The following FGF4 variants were observed in gnomAD, a reference collection of about 807,000 sequenced individuals.
FGF4 encodes the protein fibroblast growth factor 4.
In FGF4, 9 loss-of-function variants were observed where a neutral mutation model predicts 15.7. That is an observed-to-expected ratio of 0.57 (90% CI 0.35 to 1.00). FGF4 has a LOEUF of 1.00. Ranked by LOEUF, FGF4 falls within the 50% of genes least tolerant of loss-of-function variation. The pLI is 0.02. For synonymous variants in FGF4, 164 were observed against 144.8 expected (o/e 1.13, Z -0.95); for missense variants, 286 against 297.3 (o/e 0.96, Z 0.28).
At chr11:69,774,478 G>A (rs1855614344) in intron 1 of FGF4, among the ~76,000 whole-genome samples, 1 of 152,214 alleles carries the variant, frequency 6.6e-6, no homozygotes, top group Non-Finnish European at 1.5e-5. Flanking sequence ...TGTGCCCACG[G>A]GCGAAGGCGC....
chr11:69,773,435 G>T lies in FGF4; in HGVS notation c.495C>A (p.Asn165Lys). 1 of 1,614,182 alleles carries T rather than the reference G, an allele frequency of 6.2e-7. No homozygotes were observed. The highest frequency in any genetic ancestry group is 1.1e-5 in the South Asian group (1 of 91,090). ...CTFKEILLPN[N>K]YNAYESYKYP... ...ACTTGTAGGACTCGTAGGCGTTGTA[G>T]TTGTTGGGAAGGAGAATCTCCTTGA... Residue 165 changes from asparagine to lysine, a missense_variant, in exon 3 of 3, where the codon AAC becomes AAA. By Grantham distance (94) the Asn-to-Lys change is moderately conservative. Coordinates refer to ENST00000168712, the MANE Select transcript of FGF4 (RefSeq NM_002007.4).
intron 2 of FGF4, 48 bp from the exon 3 acceptor site, chr11:69,773,533 G>A (rs775122084): frequency 6.3e-7 from 1 of 1,597,682 alleles, no homozygotes; most frequent in East Asian, 2.2e-5. Flanking sequence ...TCTTGGGCAA[G>A]GTACCCAGCC....
chr11:69,774,951 C>T lies in FGF4; in HGVS notation c.134G>A (p.Arg45His). 2 of 1,476,348 alleles carry T rather than the reference C, an allele frequency of 1.4e-6. No homozygotes were observed. Among genetic ancestry groups the T allele is most frequent in the South Asian group, 1.3e-5 (1 of 78,194 alleles). The allele number at this position is 1,476,348 out of a possible 1,614,324, so 91.5% of individuals were successfully genotyped here. The change falls in exon 1 of 3, where the codon CGC (arginine) becomes CAC (histidine). Residue 45 changes from arginine to histidine, a missense_variant. Physicochemically the swap from Arg to His is conservative, Grantham distance 29. Transcript: ENST00000168712. Reference sequence around the variant, plus strand: ...GAGCGCCACCAGGCTCTCCCAGCGGCGCTCCAGCTCGGCCTCCAGCGTGCC... The same window carrying T: ...GAGCGCCACCAGGCTCTCCCAGCGGTGCTCCAGCTCGGCCTCCAGCGTGCC... ...PNGTLEAELE[R>H]RWESLVALSL...
In FGF4 at chr11:69,775,214, C is replaced by A; in HGVS notation, c.-130G>T. On this transcript the variant is annotated 5_prime_UTR_variant, in exon 1 of 3. Transcript: ENST00000168712. ...GCAGGAGTGCGCAACCGAGGAGGTG[C>A]GGGAGGCAAGCGACGGGGCCCCCGG... 1.7e-6 allele frequency: 1 copy of A among 598,062 alleles called. No individual in the cohort carries two copies. The highest frequency in any genetic ancestry group is 2.4e-6 in the Non-Finnish European group (1 of 410,612). 37.0% of individuals were successfully genotyped at this position (598,062 alleles called of 1,614,324 possible).
rs369040887 is a variant in FGF4 at position 69,773,845 on chromosome 11, C to T, written c.444+179G>A. On this transcript the variant is annotated intron_variant, in intron 2 of 2. Coordinates refer to ENST00000168712, the MANE Select transcript of FGF4 (RefSeq NM_002007.4). ...GGGCCCACTCAGGGATGGCAGGAAC[C>T]TCATTGTTCCTGCCTTGGGGCTGCT... Among the ~76,000 whole-genome samples, 1,070 of 152,278 alleles carry T rather than the reference C, an allele frequency of 7.0e-3. 5 individuals are homozygous for T. Among genetic ancestry groups the T allele is most frequent in the Non-Finnish European group, 0.01 (710 of 68,004 alleles).
At position 69,774,868 on chromosome 11, in the gene FGF4, C is replaced by A; in HGVS notation, c.217G>T (p.Ala73Ser). 1.3e-6 allele frequency: 2 copies of A among 1,504,894 alleles called. No homozygotes were observed. The highest frequency in any genetic ancestry group is 2.1e-5 in the Admixed American group (1 of 47,738). 93.2% of individuals were successfully genotyped at this position (1,504,894 alleles called of 1,614,324 possible). A position where few individuals can be genotyped will look rare whatever the true frequency, so the allele number is the denominator to read the frequency against. Residue 73 changes from alanine to serine, a missense_variant, in exon 1 of 3, where the codon GCC becomes TCC. By Grantham distance (99) the Ala-to-Ser change is moderately conservative (BLOSUM62 1). Transcript: ENST00000168712. ...QPKEAAVQSG[A>S]GDYLLGIKRL... Reference sequence around the variant, plus strand: ...TTGATGCCCAGCAGGTAGTCGCCGGCGCCGCTCTGGACGGCCGCCTCCTTG... The same window carrying A: ...TTGATGCCCAGCAGGTAGTCGCCGGAGCCGCTCTGGACGGCCGCCTCCTTG...
At position 69,773,387 on chromosome 11, in the gene FGF4, C is replaced by G; in HGVS notation, c.543G>C (p.Leu181=). The change falls in exon 3 of 3, where the codon CTG becomes CTC. Residue 181 remains leucine, a synonymous_variant. Transcript: ENST00000168712. ...SYKYPGMFIA[L]SKNGKTKKGN... ...CCTTCTTGGTCTTCCCATTCTTGCT[C>G]AGGGCGATGAACATGCCGGGGTACT... 1 of 1,614,146 alleles carries G rather than the reference C, an allele frequency of 6.2e-7. No homozygotes were observed. Among genetic ancestry groups the G allele is most frequent in the Non-Finnish European group, 8.5e-7 (1 of 1,180,028 alleles).
At position 69,772,020 on chromosome 11, in the gene FGF4, A is replaced by C. The variant is rs1290107390; in HGVS notation, c.*1289T>G. On this transcript the variant is annotated 3_prime_UTR_variant, in exon 3 of 3. Transcript: ENST00000168712. ...AAGAAAAATATAAGGTTACTTGGTG[A>C]CCATATAGTGTACTGTAACAGCTGT... 2 of 152,194 alleles carry C rather than the reference A, an allele frequency of 1.3e-5. No homozygotes were observed. Among genetic ancestry groups the C allele is most frequent in the African/African-American group, 2.4e-5 (1 of 41,438 alleles). The allele number at this position is 152,194 out of a possible 1,614,324, so 9.4% of individuals were successfully genotyped here.
Position 69,773,178 on chromosome 11 carries a change from A to G in FGF4, c.*131T>C. 2 of 665,138 alleles carry G rather than the reference A, an allele frequency of 3.0e-6. No homozygotes were observed. The highest frequency in any genetic ancestry group is 1.8e-5 in the African/African-American group (1 of 55,088). The allele number at this position is 665,138 out of a possible 1,614,324, so 41.2% of individuals were successfully genotyped here. A position where few individuals can be genotyped will look rare whatever the true frequency, so the allele number is the denominator to read the frequency against. On this transcript the variant is annotated 3_prime_UTR_variant, in exon 3 of 3. Transcript: ENST00000168712. The stretch of plus-strand genomic sequence containing the variant: ...ATTTGGTGGCAATATATACACATTT[A>G]AATAATTAATTTAAATATCTTACAC...
chr11:69,773,239 G>A lies in FGF4; in HGVS notation c.*70C>T, dbSNP rs761062476. On this transcript the variant is annotated 3_prime_UTR_variant, in exon 3 of 3. Coordinates refer to ENST00000168712, the MANE Select transcript of FGF4 (RefSeq NM_002007.4). ...ATTAAACTCTTCATCCGAAGAAAGT[G>A]CACCAAGGTGACCCTCGGCACTGCC... is the stretch of plus-strand genomic sequence containing the variant. The A allele has an allele frequency of 7.6e-7, 1 of 1,318,116 alleles. No homozygotes were observed. Among genetic ancestry groups the A allele is most frequent in the African/African-American group, 1.5e-5 (1 of 68,602 alleles). The allele number at this position is 1,318,116 out of a possible 1,614,324, so 81.7% of individuals were successfully genotyped here.
In FGF4 at chr11:69,774,017, T is replaced by A. The variant is rs202057610; in HGVS notation, c.444+7A>T. The A allele has an allele frequency of 5.6e-6, 9 of 1,609,480 alleles. No individual in the cohort carries two copies. Among genetic ancestry groups the A allele is most frequent in the Middle Eastern group, 1.7e-4 (1 of 6,052 alleles). On this transcript the variant is annotated splice_region_variant and intron_variant, in intron 2 of 2. Transcript: ENST00000168712. Reference sequence around the variant, plus strand: ...TAGGTGCCTAGCCAGACCCCTGCGGTACTCACCGAGCCATAGAGCTTGCCC... The same window carrying A: ...TAGGTGCCTAGCCAGACCCCTGCGGAACTCACCGAGCCATAGAGCTTGCCC...
At chr11:69,773,967 G>A in intron 2 of FGF4, 57 bp downstream of exon 2, 1 of 1,423,186 alleles carries the variant, frequency 7.0e-7, no homozygotes. Flanking sequence ...CCACGAGCCT[G>A]CTAGCCATGT....
At position 69,771,686 on chromosome 11, in the gene FGF4, C is replaced by T. The variant is rs2119824158; in HGVS notation, c.*1623G>A. 6.6e-6 allele frequency: 1 copy of T among 152,280 alleles called. No individual in the cohort carries two copies. Among genetic ancestry groups the T allele is most frequent in the Middle Eastern group, 3.4e-3 (1 of 294 alleles). The allele number at this position is 152,280 out of a possible 1,614,324, so 9.4% of individuals were successfully genotyped here. A position where few individuals can be genotyped will look rare whatever the true frequency, so the allele number is the denominator to read the frequency against. On this transcript the variant is annotated 3_prime_UTR_variant, in exon 3 of 3. Transcript: ENST00000168712. ...GTATTTTAAGTCGATGATTTGCATT[C>T]GAACAAAGAGTTTTCAAAAGGAATG...
At chr11:69,774,602 A>T in intron 1 of FGF4, 143 bp downstream of exon 1, 1 of 577,110 alleles carries the variant, frequency 1.7e-6, no homozygotes, top group Non-Finnish European at 2.7e-6. Context: ...CCCGCGTCAG[A>T]AGGGACCGGA....
Position 69,771,413 on chromosome 11 carries a change from A to C in FGF4, c.*1896T>G, listed in dbSNP as rs1049920009. 6.6e-6 allele frequency: 1 copy of C among 152,212 alleles called. No homozygotes were observed. Among genetic ancestry groups the C allele is most frequent in the African/African-American group, 2.4e-5 (1 of 41,446 alleles). The allele number at this position is 152,212 out of a possible 1,614,324, so 9.4% of individuals were successfully genotyped here. ...ATAATAATTTAAGGCATTTAAGACAATCATGGTTTGTTACTAAGTGAATAC... is the reference window on the plus strand; with the variant it reads ...ATAATAATTTAAGGCATTTAAGACACTCATGGTTTGTTACTAAGTGAATAC... On this transcript the variant is annotated 3_prime_UTR_variant, in exon 3 of 3. Transcript: ENST00000168712.
At chr11:69,773,519 C>T (rs1313682778) in intron 2 of FGF4, 34 bp from the exon 3 acceptor site, 3 of 1,610,694 alleles carry the variant, frequency 1.9e-6, no homozygotes, top group Admixed American at 1.7e-5. Flanking sequence ...AGGGCTGGGG[C>T]ACCTCTTGGG....
intron 1 of FGF4, 61 bp downstream of exon 1, chr11:69,774,684 G>A (rs1022382133): frequency 1.6e-5 from 20 of 1,286,968 alleles, no homozygotes; most frequent in South Asian, 1.8e-5. Context: ...TGACTGAGCG[G>A]GTTGGCCCGG....
Position 69,771,445 on chromosome 11 carries a change from A to G in FGF4, c.*1864T>C, listed in dbSNP as rs1264795186. The G allele has an allele frequency of 6.6e-6, 1 of 152,208 alleles. No homozygotes were observed. Among genetic ancestry groups the G allele is most frequent in the African/African-American group, 2.4e-5 (1 of 41,450 alleles). 9.4% of individuals were successfully genotyped at this position (152,208 alleles called of 1,614,324 possible). Reference sequence around the variant, plus strand: ...TTTGTTACTAAGTGAATACATTAAAATTCAGAAAGTCGACGGATGATCCCT... The same window carrying G: ...TTTGTTACTAAGTGAATACATTAAAGTTCAGAAAGTCGACGGATGATCCCT... On this transcript the variant is annotated 3_prime_UTR_variant, in exon 3 of 3. Transcript: ENST00000168712.
rs1287298090 is a variant in FGF4, at chr11:69,773,012, A to C, written c.*297T>G. ...TTTTTAAAACACAGAATAGCAGCAC[A>C]CTCGTGACAACTTTTGACAAGTTAA... On this transcript the variant is annotated 3_prime_UTR_variant, in exon 3 of 3. Transcript: ENST00000168712. 8.4e-6 allele frequency: 3 copies of C among 355,914 alleles called. No homozygotes were observed. The highest frequency in any genetic ancestry group is 8.6e-5 in the Admixed American group (2 of 23,182). 22.0% of individuals were successfully genotyped at this position (355,914 alleles called of 1,614,324 possible).
Sources: allele counts gnomAD v4.1 joint callset (sites outside exome capture counted in the v4.1 genomes callset), GRCh38; gene constraint gnomAD v4.1.1; transcripts MANE v1.5; gene names NCBI Gene and HGNC (gene_info 2026-07-23, HGNC 2026-07-21).